LRBA: variants seen among roughly 807,000 people sequenced by gnomAD.
The protein encoded by LRBA is lipopolysaccharide-responsive and beige-like anchor protein.
Under a neutral mutation model 330.0 loss-of-function variants are expected in LRBA, and 176 were observed. That is an observed-to-expected ratio of 0.53 (90% confidence interval 0.47 to 0.60). The LOEUF (loss-of-function observed/expected upper bound fraction) is 0.60. Ranked by LOEUF, LRBA falls within the 20% of genes least tolerant of loss-of-function variation. The probability of loss-of-function intolerance (pLI) is 0.00; values close to 1 mark genes in which losing one functional copy is unlikely to be tolerated. For missense variants in LRBA, 3,259 were observed against 3,444.8 expected (o/e 0.95, Z 1.35); for synonymous variants, 1,230 against 1,193.0 (o/e 1.03, Z -0.64).
intron 36 of LRBA, among the ~76,000 whole-genome samples, chr4:150,688,104 T>G (rs927533405): frequency 2.6e-5 from 4 of 151,912 alleles, no homozygotes; most frequent in African/African-American, 9.7e-5. Flanking sequence ...CCAAAACAGA[T>G]ATATAAAACA....
At chr4:150,830,074 G>T (rs1252618579) in intron 29 of LRBA, among the ~76,000 whole-genome samples, 1 of 152,036 alleles carries the variant, frequency 6.6e-6, no homozygotes, top group Admixed American at 6.6e-5. Context: ...ATAACCTCTT[G>T]CCTGGATTAC....
intron 51 of LRBA, 40 bp downstream of exon 51, chr4:150,315,521 A>C: frequency 2.9e-5 from 44 of 1,539,102 alleles, no homozygotes; most frequent in Non-Finnish European, 3.7e-5. Context: ...GCCACCATAC[A>C]GAGCTTAATG....
chr4:150,266,646 CAGTA>C (rs1390184719), intron 56 of LRBA, among the ~76,000 whole-genome samples: 6 of 151,830 alleles, frequency 4.0e-5, no homozygotes, highest in East Asian at 1.9e-4. Context: ...CAAAGGAAGA[CAGTA>C]AGGAGGAAAT....
At chr4:150,706,725 C>CA (rs1259080515) in intron 36 of LRBA, among the ~76,000 whole-genome samples, 9 of 151,396 alleles carry the variant, frequency 5.9e-5, no homozygotes, top group Non-Finnish European at 1.0e-4. Context: ...TTAATACATG[C>CA]AGAGCTTCTA....
chr4:150,375,689 C>A (rs759393181), intron 47 of LRBA, among the ~76,000 whole-genome samples: 1 of 151,410 alleles, frequency 6.6e-6, no homozygotes, highest in African/African-American at 2.4e-5. Context: ...CTCCTGACCT[C>A]GTGATCCGCT....
intron 37 of LRBA, among the ~76,000 whole-genome samples, chr4:150,676,672 AG>A: frequency 6.6e-6 from 1 of 152,228 alleles, no homozygotes; most frequent in South Asian, 2.1e-4. Flanking sequence ...GTTTCACTCT[AG>A]ACCCATATAA....
At chr4:150,903,843 T>C (rs1264430106) in intron 13 of LRBA, among the ~76,000 whole-genome samples, 2 of 152,174 alleles carry the variant, frequency 1.3e-5, no homozygotes, top group African/African-American at 2.4e-5. Flanking sequence ...TGTACTCCAA[T>C]AGCCACACAA....
chr4:150,417,657 AT>A (rs1374630511), intron 46 of LRBA, among the ~76,000 whole-genome samples: 1 of 152,164 alleles, frequency 6.6e-6, no homozygotes, highest in Non-Finnish European at 1.5e-5. Context: ...CAAAGCAATA[AT>A]TATAATGGAT....
At chr4:150,527,805 A>G (rs1763632959) in intron 40 of LRBA, among the ~76,000 whole-genome samples, 1 of 152,194 alleles carries the variant, frequency 6.6e-6, no homozygotes, top group African/African-American at 2.4e-5. Context: ...CAATATTTAG[A>G]TGGCAGAAGA....
At position 150,467,714 on chromosome 4, in the gene LRBA, G is replaced by T; in HGVS notation, c.6739C>A (p.Leu2247Met). Residue 2247 changes from leucine (L) to methionine (M), a missense_variant, in exon 44 of 57, where the codon CTG (leucine) becomes ATG (methionine). Coordinates refer to ENST00000651943, the MANE Select transcript of LRBA (RefSeq NM_001364905.1). ...WVITNYESEE[L>M]DLTLPTNFRD... ...AAGTTGGTGGGCAAGGTAAGATCCA[G>T]TTCTTCTGATTCATAATTAGTGATG... The T allele has an allele frequency of 6.2e-7, 1 of 1,609,136 alleles. No individual in the cohort carries two copies. Among genetic ancestry groups the T allele is most frequent in the Non-Finnish European group, 8.5e-7 (1 of 1,176,654 alleles).
intron 47 of LRBA, among the ~76,000 whole-genome samples, chr4:150,401,496 A>G (rs1427517511): frequency 1.3e-5 from 2 of 152,196 alleles, no homozygotes; most frequent in Non-Finnish European, 2.9e-5. Context: ...AGGACTTACT[A>G]TACTTTGTAA....
At chr4:150,381,896 T>A (rs1182097608) in intron 47 of LRBA, among the ~76,000 whole-genome samples, 1 of 152,238 alleles carries the variant, frequency 6.6e-6, no homozygotes, top group Non-Finnish European at 1.5e-5. Flanking sequence ...GTGATTTGCA[T>A]TTCTCCATGA....
In LRBA at chr4:150,734,985, C is replaced by T. The variant is rs146984464; in HGVS notation, c.5754+273G>A. Among the ~76,000 whole-genome samples, 394 of 152,202 alleles carry T rather than the reference C, an allele frequency of 2.6e-3. 1 individual carries two copies. Among genetic ancestry groups the T allele is most frequent in the African/African-American group, 9.1e-3 (377 of 41,528 alleles). ...TTTCTTTATAGGAAAACCATCAGAG[C>T]CAAGATTTACCTCTGATTATTAAGA... On this transcript the variant is annotated intron_variant, in intron 36 of 56. Transcript: ENST00000651943.
At chr4:150,506,815 A>G (rs1761149551) in intron 40 of LRBA, among the ~76,000 whole-genome samples, 1 of 152,192 alleles carries the variant, frequency 6.6e-6, no homozygotes, top group Non-Finnish European at 1.5e-5. Flanking sequence ...ACATGATTGT[A>G]TATCTAGAAA....
intron 35 of LRBA, among the ~76,000 whole-genome samples, chr4:150,745,181 G>T (rs1452401763): frequency 6.6e-6 from 1 of 152,164 alleles, no homozygotes; most frequent in Non-Finnish European, 1.5e-5. Flanking sequence ...TTGTAGACTT[G>T]TAAAACCCTA....
chr4:150,333,762 G>C (rs190744899), intron 48 of LRBA, among the ~76,000 whole-genome samples: 1 of 152,050 alleles, frequency 6.6e-6, no homozygotes, highest in Non-Finnish European at 1.5e-5. Context: ...CTTTAGCTTC[G>C]ATATCAGTTA....
chr4:150,636,716 C>T (rs1022466602), intron 37 of LRBA, among the ~76,000 whole-genome samples: 6 of 152,204 alleles, frequency 3.9e-5, no homozygotes, highest in Non-Finnish European at 7.4e-5. Flanking sequence ...GACACAATCA[C>T]GATTCACTGC....
At chr4:150,706,666 T>C (rs1043038447) in intron 36 of LRBA, among the ~76,000 whole-genome samples, 2 of 151,032 alleles carry the variant, frequency 1.3e-5, no homozygotes, top group South Asian at 2.1e-4. Context: ...AACAAACAAA[T>C]TGGTAAAAAG....
At chr4:150,730,111 T>A (rs979548841) in intron 36 of LRBA, among the ~76,000 whole-genome samples, 1 of 152,056 alleles carries the variant, frequency 6.6e-6, no homozygotes, top group Non-Finnish European at 1.5e-5. Flanking sequence ...TAATACCCCA[T>A]AGTCACAAGC....
Sources: allele counts gnomAD v4.1 joint callset (sites outside exome capture counted in the v4.1 genomes callset), GRCh38; gene constraint gnomAD v4.1.1; transcripts MANE v1.5; gene names NCBI Gene and HGNC (gene_info 2026-07-23, HGNC 2026-07-21).